The following GPSM1 variants were observed in gnomAD, a reference collection of about 807,000 sequenced individuals.
GPSM1 encodes the protein G protein-signaling modulator 1.
GPSM1 carries 48 observed loss-of-function variants against 70.5 expected under a neutral mutation model. That is an observed-to-expected ratio of 0.68 (90% CI 0.54 to 0.87). The LOEUF is 0.87. GPSM1 is among the 40% of genes least tolerant of loss of function. GPSM1 has a pLI of 0.00. For missense variants in GPSM1, 981 were observed against 972.6 expected (o/e 1.01, Z -0.11); for synonymous variants, 416 against 430.1 (o/e 0.97, Z 0.41).
In GPSM1 at chr9:136,341,719, C is replaced by A. The variant is rs1554770349; in HGVS notation, c.1207+726C>A. ...AGGGATGCCTGCCTCCCAGAACGTACCTGGTGCCCCCCAGGCCTGCTAAGG... is the reference window on the plus strand; with the variant it reads ...AGGGATGCCTGCCTCCCAGAACGTAACTGGTGCCCCCCAGGCCTGCTAAGG... On this transcript the variant is annotated intron_variant, in intron 9 of 13. Coordinates refer to ENST00000440944, the MANE Select transcript of GPSM1 (RefSeq NM_001145638.3). The surrounding 1 kb of genome is among the most constrained non-coding windows in gnomAD (Gnocchi z 6.7). 5 of 990,392 alleles carry A rather than the reference C, an allele frequency of 5.0e-6. No individual in the cohort carries two copies. The highest frequency in any genetic ancestry group is 6.0e-6 in the Non-Finnish European group (5 of 832,478). 61.4% of individuals were successfully genotyped at this position (990,392 alleles called of 1,614,324 possible).
chr9:136,344,995 G>C (rs28391618), intron 9 of GPSM1, among the ~76,000 whole-genome samples: 5 of 152,200 alleles, frequency 3.3e-5, no homozygotes, highest in Non-Finnish European at 5.9e-5. Flanking sequence ...CAGGTGATCC[G>C]GCTCCAGGGA....
intron 3 of GPSM1, 78 bp downstream of exon 3, chr9:136,336,179 G>A (rs1211150624): frequency 1.6e-5 from 24 of 1,488,710 alleles, no homozygotes; most frequent in Admixed American, 1.9e-5. Context: ...GGGCGGGCGG[G>A]TGACTCACCA....
intron 1 of GPSM1, 124 bp from the exon 2 acceptor site, chr9:136,334,323 A>T: frequency 1.5e-6 from 1 of 669,436 alleles, no homozygotes; most frequent in Non-Finnish European, 2.6e-6. Context: ...TAGGTCTGTG[A>T]GCACAGATGT....
intron 7 of GPSM1, among the ~76,000 whole-genome samples, 198 bp from the exon 8 acceptor site, chr9:136,339,509 T>C (rs1162066787): frequency 6.6e-6 from 1 of 152,258 alleles, no homozygotes; most frequent in Non-Finnish European, 1.5e-5. Context: ...TTGGGGCTTA[T>C]GCTTGAAGGT....
intron 1 of GPSM1, among the ~76,000 whole-genome samples, chr9:136,329,490 C>G (rs1832053206): frequency 6.6e-6 from 1 of 152,196 alleles, no homozygotes; most frequent in Non-Finnish European, 1.5e-5. Flanking sequence ...CTCCTGAAAC[C>G]CGAGTGCTGG....
At chr9:136,352,175 C>T (rs1359457259) in intron 11 of GPSM1, among the ~76,000 whole-genome samples, 2 of 133,138 alleles carry the variant, frequency 1.5e-5, no homozygotes, top group East Asian at 5.3e-4. Context: ...ACCAATGCTG[C>T]GCCGTTGCTG....
chr9:136,337,088 C>T lies in GPSM1; in HGVS notation c.578+16C>T, dbSNP rs529623270. On this transcript the variant is annotated intron_variant, in intron 4 of 13. Transcript: ENST00000440944. Reference sequence around the variant, plus strand: ...AGTTCTACGAGTGAGTGGGGCAGGGCCAGCCCAGGGACCGGGGCTGGCCTG... The same window carrying T: ...AGTTCTACGAGTGAGTGGGGCAGGGTCAGCCCAGGGACCGGGGCTGGCCTG... 2.6e-6 allele frequency: 4 copies of T among 1,545,564 alleles called. No individual in the cohort carries two copies. Among genetic ancestry groups the T allele is most frequent in the South Asian group, 1.2e-5 (1 of 83,764 alleles).
chr9:136,353,760 G>A (rs934020560), intron 11 of GPSM1, among the ~76,000 whole-genome samples: 8 of 152,158 alleles, frequency 5.3e-5, no homozygotes, highest in Non-Finnish European at 1.2e-4. Flanking sequence ...TGGGCCAGAG[G>A]CAGAGGCCCC....
At chr9:136,332,455 G>C (rs1832123747) in intron 1 of GPSM1, among the ~76,000 whole-genome samples, 1 of 152,246 alleles carries the variant, frequency 6.6e-6, no homozygotes, top group African/African-American at 2.4e-5. Flanking sequence ...CCCATCATCA[G>C]ATCTGCGGAG....
At chr9:136,330,857 A>G (rs1192889066) in intron 1 of GPSM1, among the ~76,000 whole-genome samples, 1 of 152,138 alleles carries the variant, frequency 6.6e-6, no homozygotes, top group Non-Finnish European at 1.5e-5. Context: ...TCTGTTGACG[A>G]GGACTGGGCA....
intron 13 of GPSM1, 32 bp from the exon 14 acceptor site, chr9:136,357,982 G>C (rs782517809): frequency 7.6e-6 from 12 of 1,577,958 alleles, no homozygotes; most frequent in South Asian, 5.5e-5. Context: ...GGCTGGGGGG[G>C]TGAGGCCGCC....
In GPSM1 at chr9:136,355,862, A is replaced by G. The variant is rs78134479; in HGVS notation, c.1612+16A>G. 3,224 of 1,592,798 alleles carry G rather than the reference A, an allele frequency of 2.0e-3. 42 individuals carry two copies. In the African/African-American group the frequency reaches 0.037, roughly 18 times the overall value. The stretch of plus-strand genomic sequence containing the variant: ...GACAGGATCGGTGAGTGCCCCCCTC[A>G]GCCGGGCCCTCCCTTGGGCTTGTCT... On this transcript the variant is annotated intron_variant, in intron 12 of 13. Transcript: ENST00000440944.
At chr9:136,333,112 C>A (rs544388246) in intron 1 of GPSM1, among the ~76,000 whole-genome samples, 77 of 152,352 alleles carry the variant, frequency 5.1e-4, no homozygotes, top group African/African-American at 1.6e-3. Flanking sequence ...GAGGCTGAAC[C>A]CTTCCCCCAC....
In GPSM1 at chr9:136,335,957, G is replaced by T. The variant is rs781957128; in HGVS notation, c.291-9G>T. On this transcript the variant is annotated splice_polypyrimidine_tract_variant and intron_variant, in intron 2 of 13. Transcript: ENST00000440944. ...TCAGCCTGACCCCTCACTCCTCCCT[G>T]CCATCCAGGACCATCGGTGACCGCA... 1.6e-5 allele frequency: 26 copies of T among 1,611,342 alleles called. No individual in the cohort carries two copies. In the Admixed American group the frequency reaches 4.2e-4, roughly 26 times the overall value.
At chr9:136,332,330 C>T (rs992114209) in intron 1 of GPSM1, among the ~76,000 whole-genome samples, 77 of 152,222 alleles carry the variant, frequency 5.1e-4, no homozygotes, top group African/African-American at 1.8e-3. Flanking sequence ...TGACAGAGGC[C>T]CATCCGTGCA....
At position 136,353,162 on chromosome 9, in the gene GPSM1, C is replaced by T. The variant is rs139697967; in HGVS notation, c.1456-2528C>T. ...GAGACAGCCTGTGATCCGCGTGAGT[C>T]TGGGGTCCCTGGGGTCCTAACAGGT... On this transcript the variant is annotated intron_variant, in intron 11 of 13. Coordinates refer to ENST00000440944, the MANE Select transcript of GPSM1 (RefSeq NM_001145638.3). 1.2e-4 allele frequency: 116 copies of T among 931,542 alleles called. No individual in the cohort carries two copies. In the African/African-American group the frequency reaches 2.0e-3, roughly 16 times the overall value. 57.7% of individuals were successfully genotyped at this position (931,542 alleles called of 1,614,324 possible).
At position 136,344,500 on chromosome 9, in the gene GPSM1, C is replaced by T. The variant is rs72775744; in HGVS notation, c.1207+3507C>T. On this transcript the variant is annotated intron_variant, in intron 9 of 13. Transcript: ENST00000440944. The stretch of plus-strand genomic sequence containing the variant: ...TTGTGTCCTCACCTAGCAGAGACAG[C>T]GAGGAAGAAGGGGGAGCTTGAGAAC... Among the ~76,000 whole-genome samples the T allele has an allele frequency of 3.0e-3, 452 of 152,204 alleles. 2 individuals carry two copies. Among genetic ancestry groups the T allele is most frequent in the Non-Finnish European group, 5.1e-3 (346 of 68,006 alleles).
intron 9 of GPSM1, among the ~76,000 whole-genome samples, chr9:136,344,761 G>A (rs996853702): frequency 5.3e-5 from 8 of 152,232 alleles, no homozygotes; most frequent in Admixed American, 5.2e-4. Flanking sequence ...CCTGGTAGGT[G>A]AAGGGACAGG....
chr9:136,335,678 C>T (rs529290981), intron 2 of GPSM1, among the ~76,000 whole-genome samples: 1 of 152,338 alleles, frequency 6.6e-6, no homozygotes, highest in African/African-American at 2.4e-5. Flanking sequence ...CAGGCCCAGG[C>T]GTGAGGTCCT....
Sources: allele counts gnomAD v4.1 joint callset (sites outside exome capture counted in the v4.1 genomes callset), GRCh38; gene constraint gnomAD v4.1.1; non-coding constraint Gnocchi (gnomAD v3.1); transcripts MANE v1.5; gene names NCBI Gene and HGNC (gene_info 2026-07-23, HGNC 2026-07-21).